The following CUEDC1 variants were observed in gnomAD, a reference collection of about 807,000 sequenced individuals.
CUEDC1 encodes the protein CUE domain-containing protein 1.
CUEDC1 carries 30 observed loss-of-function variants against 43.7 expected under a neutral mutation model. That is an observed-to-expected ratio of 0.69 (90% confidence interval 0.51 to 0.93). The LOEUF is 0.93. Ranked by LOEUF, CUEDC1 falls within the 40% of genes least tolerant of loss-of-function variation. The pLI is 0.00. For synonymous variants in CUEDC1, 223 were observed against 223.6 expected (o/e 1.00, Z 0.02); for missense variants, 486 against 549.0 (o/e 0.89, Z 1.15).
chr17:57,881,739 C>T (rs1231096705), intron 2 of CUEDC1, among the ~76,000 whole-genome samples: 1 of 152,168 alleles, frequency 6.6e-6, no homozygotes, highest in Non-Finnish European at 1.5e-5. Context: ...GGCAGTCAGC[C>T]CCCCAGACTC....
intron 1 of CUEDC1, among the ~76,000 whole-genome samples, chr17:57,945,297 T>G (rs1468978574): frequency 6.6e-6 from 1 of 152,186 alleles, no homozygotes; most frequent in Non-Finnish European, 1.5e-5. Context: ...ACCCCAATCT[T>G]CCAGCAGAGG....
intron 1 of CUEDC1, among the ~76,000 whole-genome samples, chr17:57,891,473 G>T (rs555775482): frequency 6.6e-6 from 1 of 152,008 alleles, no homozygotes; most frequent in Non-Finnish European, 1.5e-5. Flanking sequence ...TGCCTCCCAC[G>T]TGTTGGCCTA....
rs558909121 is a variant in CUEDC1, at chr17:57,920,799, T to C, written c.-316+34426A>G. Among the ~76,000 whole-genome samples, 41 of 151,668 alleles carry C rather than the reference T, an allele frequency of 2.7e-4. 1 individual carries two copies. The highest frequency in any genetic ancestry group is 9.4e-4 in the African/African-American group (39 of 41,330). The stretch of plus-strand genomic sequence containing the variant: ...AGGCTCCCACCACCACCATGCCGAG[T>C]AAATTTTTGTATTTTTATTAGAGAA... On this transcript the variant is annotated intron_variant, in intron 1 of 10. Transcript: ENST00000577830.
intron 1 of CUEDC1, among the ~76,000 whole-genome samples, chr17:57,953,702 T>G (rs146469944): frequency 6.6e-6 from 1 of 152,226 alleles, no homozygotes; most frequent in South Asian, 2.1e-4. Context: ...CTGGCCCTAG[T>G]TGGCCTGGCC....
Position 57,928,526 on chromosome 17 carries a change from G to A in CUEDC1, c.-316+26699C>T, listed in dbSNP as rs1252714931. ...ATCGCCACTGCACTCCAGCCTGGGCGACAGAGTGAGACTCTGTCTCAAAAA... is the reference window on the plus strand; with the variant it reads ...ATCGCCACTGCACTCCAGCCTGGGCAACAGAGTGAGACTCTGTCTCAAAAA... On this transcript the variant is annotated intron_variant, in intron 1 of 10. Coordinates refer to ENST00000577830, the MANE Select transcript of CUEDC1 (RefSeq NM_001271875.2). Among the ~76,000 whole-genome samples the A allele has an allele frequency of 7.5e-4, 96 of 128,706 alleles. 1 individual carries two copies. Among genetic ancestry groups the A allele is most frequent in the Non-Finnish European group, 1.1e-3 (73 of 63,800 alleles). 84.4% of individuals were successfully genotyped at this position (128,706 alleles called of 152,430 possible). A position where few individuals can be genotyped will look rare whatever the true frequency, so the allele number is the denominator to read the frequency against.
At chr17:57,899,252 T>C (rs1372541855) in intron 1 of CUEDC1, among the ~76,000 whole-genome samples, 1 of 152,128 alleles carries the variant, frequency 6.6e-6, no homozygotes, top group Non-Finnish European at 1.5e-5. Context: ...CTGGGCCAGC[T>C]GCACCCCCCC....
At chr17:57,913,113 G>A (rs1225627668) in intron 1 of CUEDC1, among the ~76,000 whole-genome samples, 1 of 152,024 alleles carries the variant, frequency 6.6e-6, no homozygotes, top group African/African-American at 2.4e-5. Flanking sequence ...ATTACCTGAG[G>A]TCAGGGGTTC....
At chr17:57,934,413 C>T (rs1396582082) in intron 1 of CUEDC1, among the ~76,000 whole-genome samples, 2 of 151,456 alleles carry the variant, frequency 1.3e-5, no homozygotes, top group African/African-American at 4.8e-5. Flanking sequence ...TAAAAATAGC[C>T]GGACATGGTG....
At chr17:57,884,038 C>T (rs1298863472) in intron 2 of CUEDC1, among the ~76,000 whole-genome samples, 4 of 152,104 alleles carry the variant, frequency 2.6e-5, no homozygotes, top group Non-Finnish European at 5.9e-5. Context: ...ACGCAGGTCC[C>T]CTCTCTCCAG....
rs199870179 is a variant in CUEDC1 at position 57,871,240 on chromosome 17, C to G, written c.868+46G>C. 35 of 1,441,240 alleles carry G rather than the reference C, an allele frequency of 2.4e-5. No individual in the cohort carries two copies. In the Admixed American group the frequency reaches 5.7e-4, roughly 23 times the overall value. The allele number at this position is 1,441,240 out of a possible 1,614,324, so 89.3% of individuals were successfully genotyped here. ...TATGCAAAGCAAAGTTGGGTGTGAG[C>G]TCCCCACTATGCCTCTAGGTTTTCT... On this transcript the variant is annotated intron_variant, in intron 6 of 10. Coordinates refer to ENST00000577830, the MANE Select transcript of CUEDC1 (RefSeq NM_001271875.2).
At chr17:57,882,324 A>C (rs1389968695) in intron 2 of CUEDC1, among the ~76,000 whole-genome samples, 1 of 136,924 alleles carries the variant, frequency 7.3e-6, no homozygotes, top group Non-Finnish European at 1.6e-5. Context: ...GAGACTGCCA[A>C]GGGAGGGGAG....
chr17:57,866,696 C>T, intron 9 of CUEDC1, 152 bp from the exon 10 acceptor site: 1 of 670,140 alleles, frequency 1.5e-6, no homozygotes, highest in Non-Finnish European at 2.5e-6. Flanking sequence ...TGCATGGGTC[C>T]AGGGAGAGAG....
At chr17:57,952,232 G>GT (rs931912557) in intron 1 of CUEDC1, among the ~76,000 whole-genome samples, 158 of 146,144 alleles carry the variant, frequency 1.1e-3, no homozygotes, top group South Asian at 9.2e-3. Flanking sequence ...ATTTATTTAT[G>GT]TTTTTTTTTT....
intron 2 of CUEDC1, 53 bp downstream of exon 2, chr17:57,885,176 G>A (rs1376735890): frequency 8.0e-6 from 12 of 1,495,006 alleles, no homozygotes; most frequent in Non-Finnish European, 8.0e-6. Flanking sequence ...CCCTACCTCC[G>A]GGGGGATGCT....
chr17:57,890,302 C>T (rs937711684), intron 1 of CUEDC1, among the ~76,000 whole-genome samples: 39 of 152,186 alleles, frequency 2.6e-4, no homozygotes, highest in African/African-American at 9.4e-4. Flanking sequence ...CATTTCAGCA[C>T]AGGAAACATG....
At chr17:57,867,186 A>C in intron 9 of CUEDC1, 171 bp downstream of exon 9, 2 of 650,792 alleles carry the variant, frequency 3.1e-6, no homozygotes, top group Non-Finnish European at 5.6e-6. Flanking sequence ...GAAAGGGGGA[A>C]GCAATGTCGA....
chr17:57,909,679 G>A (rs576045125), intron 1 of CUEDC1, among the ~76,000 whole-genome samples: 39 of 152,346 alleles, frequency 2.6e-4, no homozygotes, highest in African/African-American at 8.7e-4. Flanking sequence ...GCAGGGCCCA[G>A]GCCTCAGAGG....
At chr17:57,935,244 T>C (rs2074848451) in intron 1 of CUEDC1, among the ~76,000 whole-genome samples, 1 of 152,204 alleles carries the variant, frequency 6.6e-6, no homozygotes, top group Non-Finnish European at 1.5e-5. Flanking sequence ...GACAACAGGA[T>C]GAGCAATCCT....
chr17:57,926,407 C>A (rs1296441248), intron 1 of CUEDC1, among the ~76,000 whole-genome samples: 1 of 152,100 alleles, frequency 6.6e-6, no homozygotes, highest in African/African-American at 2.4e-5. Flanking sequence ...AGCCCCTTCA[C>A]CCCCTGAAAT....
Sources: allele counts gnomAD v4.1 joint callset (sites outside exome capture counted in the v4.1 genomes callset), GRCh38; gene constraint gnomAD v4.1.1; transcripts MANE v1.5; gene names NCBI Gene and HGNC (gene_info 2026-07-23, HGNC 2026-07-21).